TRMT9B: variants seen among roughly 807,000 people sequenced by gnomAD.
TRMT9B encodes the protein tRNA methyltransferase 9B (putative), also known as probable tRNA methyltransferase 9B.
A neutral mutation model predicts 11.5 loss-of-function variants in TRMT9B; 16 were observed. That is an observed-to-expected ratio of 1.39 (90% CI 0.94 to 2.11). The LOEUF (loss-of-function observed/expected upper bound fraction) is 2.11, where lower values mean the gene tolerates loss of function less well. TRMT9B is among the 30% of genes most tolerant of loss of function. The pLI is 0.00. For missense variants in TRMT9B, 941 were observed against 553.8 expected (o/e 1.70, Z -7.02); for synonymous variants, 274 against 192.4 (o/e 1.42, Z -3.51).
intron 2 of TRMT9B, among the ~76,000 whole-genome samples, chr8:12,998,649 C>G (rs1371852023): frequency 6.6e-6 from 1 of 152,218 alleles, no homozygotes. Flanking sequence ...CACCTCCTCC[C>G]TGGTGACAAG....
Position 13,006,304 on chromosome 8 carries a change from T to A in TRMT9B, c.102T>A (p.Arg34=). The change falls in exon 3 of 5, where the codon CGT becomes CGA. Residue 34 remains arginine, a synonymous_variant. Coordinates refer to ENST00000524591, the MANE Select transcript of TRMT9B (RefSeq NM_020844.3). Reference sequence around the variant, plus strand: ...ACCTGCAGAGCAAAGCCTGGCCTCGTGTCCGCCAGTTCCTGCAAGAGCAGA... The same window carrying A: ...ACCTGCAGAGCAAAGCCTGGCCTCGAGTCCGCCAGTTCCTGCAAGAGCAGA... ...FSDLQSKAWP[R]VRQFLQEQKP... is the part of the protein sequence containing the mutation. 6.2e-7 allele frequency: 1 copy of A among 1,613,774 alleles called. No homozygotes were observed. Among genetic ancestry groups the A allele is most frequent in the Non-Finnish European group, 8.5e-7 (1 of 1,179,888 alleles).
intron 3 of TRMT9B, 159 bp downstream of exon 3, chr8:13,006,515 G>A (rs148152224): frequency 1.4e-6 from 2 of 1,457,194 alleles, no homozygotes; most frequent in East Asian, 2.5e-5. Context: ...ACCTTCCATT[G>A]AGCCTTTGCT....
intron 1 of TRMT9B, chr8:12,952,109 A>G (rs1267562475): frequency 2.3e-6 from 1 of 438,922 alleles, no homozygotes; most frequent in Non-Finnish European, 4.6e-6. Context: ...GCTCTGATGC[A>G]AAAGCAGCTT....
intron 4 of TRMT9B, among the ~76,000 whole-genome samples, chr8:13,020,479 A>G (rs988079122): frequency 1.3e-5 from 2 of 152,158 alleles, no homozygotes; most frequent in Non-Finnish European, 2.9e-5. Flanking sequence ...AACCAATTGG[A>G]CTTGGGGTGA....
intron 4 of TRMT9B, among the ~76,000 whole-genome samples, chr8:13,018,620 G>T (rs1813249848): frequency 6.6e-6 from 1 of 152,060 alleles, no homozygotes; most frequent in Admixed American, 6.6e-5. Context: ...AAATTCAGTG[G>T]AATATAGAAT....
chr8:13,013,367 TA>T (rs1812015369), intron 4 of TRMT9B, among the ~76,000 whole-genome samples: 1 of 152,172 alleles, frequency 6.6e-6, no homozygotes, highest in African/African-American at 2.4e-5. Flanking sequence ...GCATTGTTTT[TA>T]TAATGCCACT....
intron 1 of TRMT9B, among the ~76,000 whole-genome samples, chr8:12,962,716 C>A (rs372891066): frequency 6.6e-6 from 1 of 152,138 alleles, no homozygotes; most frequent in South Asian, 2.1e-4. Context: ...GTCTGGAACT[C>A]CTGAGCTCAA....
chr8:12,999,311 A>AG (rs1563394142), intron 2 of TRMT9B, among the ~76,000 whole-genome samples: 1 of 148,074 alleles, frequency 6.8e-6, no homozygotes, highest in African/African-American at 2.6e-5. Flanking sequence ...AAAAAAAAAA[A>AG]AAAAGAAAAG....
In TRMT9B at chr8:12,955,642, G is replaced by A. The variant is rs569439123; in HGVS notation, c.-200+9676G>A. 4.9e-4 allele frequency among the ~76,000 whole-genome samples: 74 copies of A among 152,254 alleles called. 1 individual carries two copies. The South Asian group carries it at 8.7e-3, about 18-fold the overall frequency. On this transcript the variant is annotated intron_variant, in intron 1 of 4. Transcript: ENST00000524591. ...TTCCATGGTTCTTCTGGGGTGTTAC[G>A]TCCCATTTTGCTGTATCGAATGTGC...
intron 2 of TRMT9B, among the ~76,000 whole-genome samples, chr8:12,992,545 A>C (rs1416787818): frequency 6.6e-6 from 1 of 152,000 alleles, no homozygotes; most frequent in African/African-American, 2.4e-5. Flanking sequence ...GAAGCTCAGG[A>C]GAACTTCATT....
At chr8:12,996,060 A>G (rs1196683703) in intron 2 of TRMT9B, among the ~76,000 whole-genome samples, 1 of 152,202 alleles carries the variant, frequency 6.6e-6, no homozygotes, top group Non-Finnish European at 1.5e-5. Context: ...AGCAATAGCA[A>G]CCACCTGCTG....
intron 4 of TRMT9B, among the ~76,000 whole-genome samples, chr8:13,019,891 C>A (rs1316349703): frequency 6.6e-6 from 1 of 152,150 alleles, no homozygotes; most frequent in Non-Finnish European, 1.5e-5. Flanking sequence ...CACCCTCACA[C>A]CTCTGGCTTT....
intron 1 of TRMT9B, chr8:12,961,956 C>T (rs993022395): frequency 3.9e-5 from 6 of 152,230 alleles, no homozygotes; most frequent in Admixed American, 2.0e-4. Context: ...CATCCAGTTT[C>T]ATATTGGTTA....
intron 4 of TRMT9B, among the ~76,000 whole-genome samples, chr8:13,015,354 A>G (rs376785444): frequency 2.0e-5 from 3 of 152,128 alleles, no homozygotes; most frequent in South Asian, 2.1e-4. Flanking sequence ...AGCATTTAGA[A>G]TCCGCAGGTT....
intron 1 of TRMT9B, among the ~76,000 whole-genome samples, chr8:12,965,172 G>C (rs549465091): frequency 6.6e-6 from 1 of 152,266 alleles, no homozygotes; most frequent in African/African-American, 2.4e-5. Flanking sequence ...TTTCATAATC[G>C]TGGCACTTAC....
At chr8:12,994,008 C>G (rs954378577) in intron 2 of TRMT9B, among the ~76,000 whole-genome samples, 8 of 152,176 alleles carry the variant, frequency 5.3e-5, no homozygotes, top group Admixed American at 3.3e-4. Flanking sequence ...TCTGCTCCAA[C>G]CTCTTGTCAA....
At chr8:13,015,302 A>G (rs1812431027) in intron 4 of TRMT9B, among the ~76,000 whole-genome samples, 1 of 150,024 alleles carries the variant, frequency 6.7e-6, no homozygotes, top group African/African-American at 2.5e-5. Context: ...ATTTGTTGTC[A>G]TTTAACTTTT....
intron 2 of TRMT9B, among the ~76,000 whole-genome samples, chr8:12,998,877 A>C (rs1018988359): frequency 6.6e-6 from 1 of 152,242 alleles, no homozygotes; most frequent in African/African-American, 2.4e-5. Flanking sequence ...CTTGGGAAAA[A>C]ACCTTTTTAC....
intron 4 of TRMT9B, among the ~76,000 whole-genome samples, chr8:13,016,108 T>G (rs1318140093): frequency 1.4e-5 from 2 of 145,386 alleles, no homozygotes; most frequent in South Asian, 2.1e-4. Flanking sequence ...ATATATATGA[T>G]ATATATATAT....
Sources: gnomAD v4.1 joint callset for allele counts (sites outside exome capture counted in the v4.1 genomes callset) on GRCh38, gnomAD v4.1.1 for gene constraint, MANE v1.5 for transcripts, NCBI Gene and HGNC (gene_info 2026-07-23, HGNC 2026-07-21) for gene names.